The following COL11A1 variants were observed in gnomAD, a reference collection of about 807,000 sequenced individuals.
COL11A1 encodes collagen type XI alpha 1 chain, also known as collagen alpha-1(XI) chain.
COL11A1 carries 74 observed loss-of-function variants against 265.2 expected under a neutral mutation model. The observed-to-expected ratio is 0.28, with a 90% confidence interval of 0.23 to 0.34. The LOEUF (loss-of-function observed/expected upper bound fraction) is 0.34, where lower values mean the gene tolerates loss of function less well. Among genes scored for constraint, COL11A1 ranks in the 10% least tolerant of loss-of-function variants. COL11A1 has a pLI of 1.00. For missense variants in COL11A1, 2,165 were observed against 2,263.6 expected (o/e 0.96, Z 0.88); for synonymous variants, 816 against 727.6 (o/e 1.12, Z -1.96).
In COL11A1 at chr1:103,004,424, A is replaced by G; in HGVS notation, c.1944+20T>C. 1 of 1,592,994 alleles carries G rather than the reference A, an allele frequency of 6.3e-7. No homozygotes were observed. Among genetic ancestry groups the G allele is most frequent in the Non-Finnish European group, 8.6e-7 (1 of 1,163,222 alleles). On this transcript the variant is annotated intron_variant, in intron 20 of 66. Transcript: ENST00000370096. ...TAAAAACTAGAAATATTACTTAAAA[A>G]TAAAAAGTAAGTTGCTTACAGCTTC...
At chr1:103,038,485 CGA>C (rs368574516) in intron 4 of COL11A1, among the ~76,000 whole-genome samples, 7 of 148,562 alleles carry the variant, frequency 4.7e-5, no homozygotes, top group Non-Finnish European at 6.0e-5. Flanking sequence ...AGAGAGAGAG[CGA>C]GAGAGAGAGA....
At chr1:102,991,418 A>G (rs1026996532) in intron 28 of COL11A1, among the ~76,000 whole-genome samples, 3 of 144,726 alleles carry the variant, frequency 2.1e-5, no homozygotes, top group Non-Finnish European at 3.1e-5. Flanking sequence ...GCTAATAATC[A>G]ATATAAGGCA....
chr1:103,022,687 T>A lies in COL11A1; in HGVS notation c.1245+55A>T, dbSNP rs962544899. ...AAAGACATTAAGATGGACATGGACA[T>A]AAAAATATCCCATAAATAAGACATA... On this transcript the variant is annotated intron_variant, in intron 8 of 66. Coordinates refer to ENST00000370096, the MANE Select transcript of COL11A1 (RefSeq NM_001854.4). The A allele has an allele frequency of 1.6e-5, 26 of 1,607,834 alleles. No homozygotes were observed. In the Admixed American group the frequency reaches 3.7e-4, roughly 23 times the overall value.
At chr1:102,898,912 A>C in intron 55 of COL11A1, 29 bp downstream of exon 55, 1 of 1,108,516 alleles carries the variant, frequency 9.0e-7, no homozygotes, top group Non-Finnish European at 1.2e-6. Context: ...TATATAATAT[A>C]TATTATGTAT....
At chr1:102,943,921 A>C (rs1030839034) in intron 42 of COL11A1, among the ~76,000 whole-genome samples, 1 of 152,092 alleles carries the variant, frequency 6.6e-6, no homozygotes, top group African/African-American at 2.4e-5. Flanking sequence ...CATTAGAATC[A>C]GTTTCCCTAT....
At chr1:102,952,480 G>A (rs968709253) in intron 41 of COL11A1, among the ~76,000 whole-genome samples, 1 of 152,168 alleles carries the variant, frequency 6.6e-6, no homozygotes, top group Non-Finnish European at 1.5e-5. Context: ...ATTTCAGATT[G>A]TCATCTTGCT....
intron 14 of COL11A1, among the ~76,000 whole-genome samples, chr1:103,009,533 A>G (rs529752454): frequency 6.6e-6 from 1 of 152,340 alleles, no homozygotes; most frequent in African/African-American, 2.4e-5. Flanking sequence ...GAGGTTTAAA[A>G]TTAAACACTA....
chr1:102,879,822 T>C lies in COL11A1; in HGVS notation c.5135A>G (p.Tyr1712Cys). Residue 1712 changes from tyrosine (Y) to cysteine (C), a missense_variant, in exon 66 of 67, where the codon TAC (tyrosine) becomes TGC (cysteine). Tyr to Cys is a radical substitution (Grantham distance 194, BLOSUM62 -2). Coordinates refer to ENST00000370096, the MANE Select transcript of COL11A1 (RefSeq NM_001854.4). Reference protein sequence around the residue: ...LTASARQNFTYHCHQSAAWYD... With the variant: ...LTASARQNFTCHCHQSAAWYD... Reference sequence around the variant, plus strand: ...CCAGGCTGCTGACTGATGACAGTGGTAGGTGAAATTTTGCCGAGCAGAGGC... The same window carrying C: ...CCAGGCTGCTGACTGATGACAGTGGCAGGTGAAATTTTGCCGAGCAGAGGC... The C allele has an allele frequency of 1.2e-6, 2 of 1,613,960 alleles. No homozygotes were observed. The highest frequency in any genetic ancestry group is 2.2e-5 in the East Asian group (1 of 44,874).
intron 58 of COL11A1, among the ~76,000 whole-genome samples, chr1:102,890,175 T>C (rs1182247179): frequency 6.6e-6 from 1 of 152,156 alleles, no homozygotes; most frequent in African/African-American, 2.4e-5. Flanking sequence ...GTTTATTTTC[T>C]GAATAGTTAT....
At chr1:102,947,444 T>C (rs1307709237) in intron 41 of COL11A1, among the ~76,000 whole-genome samples, 1 of 152,106 alleles carries the variant, frequency 6.6e-6, no homozygotes, top group Non-Finnish European at 1.5e-5. Context: ...TTCTTTGCAT[T>C]AGGATACACA....
In COL11A1 at chr1:102,965,437, A is replaced by G. The variant is rs528347857; in HGVS notation, c.2916+50T>C. The G allele has an allele frequency of 1.2e-5, 19 of 1,520,026 alleles. No individual in the cohort carries two copies. In the South Asian group the frequency reaches 1.8e-4, roughly 14 times the overall value. The allele number at this position is 1,520,026 out of a possible 1,614,324, so 94.2% of individuals were successfully genotyped here. A position where few individuals can be genotyped will look rare whatever the true frequency, so the allele number is the denominator to read the frequency against. On this transcript the variant is annotated intron_variant, in intron 38 of 66. Transcript: ENST00000370096. Reference sequence around the variant, plus strand: ...TTTTACACAACTTAGGAAGGTTAAAATGTAAACAAAAAATAAATCTTGCTT... The same window carrying G: ...TTTTACACAACTTAGGAAGGTTAAAGTGTAAACAAAAAATAAATCTTGCTT...
At chr1:102,993,862 T>G (rs1026374048) in intron 28 of COL11A1, among the ~76,000 whole-genome samples, 1 of 152,106 alleles carries the variant, frequency 6.6e-6, no homozygotes, top group East Asian at 1.9e-4. Context: ...TTAATTTAAT[T>G]TTTTGTTTTT....
intron 4 of COL11A1, among the ~76,000 whole-genome samples, chr1:103,055,215 A>G (rs929988043): frequency 3.9e-5 from 6 of 152,188 alleles, no homozygotes; most frequent in African/African-American, 1.4e-4. Flanking sequence ...CATTATTATA[A>G]TCTTTTTCAT....
chr1:102,972,903 C>A, intron 36 of COL11A1, among the ~76,000 whole-genome samples: 1 of 151,180 alleles, frequency 6.6e-6, no homozygotes, highest in Non-Finnish European at 1.5e-5. Flanking sequence ...GCTGCATATT[C>A]CCAAAATATG....
intron 4 of COL11A1, among the ~76,000 whole-genome samples, chr1:103,063,969 T>C (rs989298258): frequency 6.6e-6 from 1 of 152,116 alleles, no homozygotes; most frequent in Non-Finnish European, 1.5e-5. Flanking sequence ...ACATCATATG[T>C]CATTAGAGAA....
intron 41 of COL11A1, among the ~76,000 whole-genome samples, chr1:102,956,817 T>C (rs1011289071): frequency 4.6e-5 from 7 of 151,908 alleles, no homozygotes; most frequent in African/African-American, 1.7e-4. Context: ...GTCTCTATTT[T>C]GACTCCATTA....
Position 102,974,001 on chromosome 1 carries a change from T to C in COL11A1, c.2808+829A>G, listed in dbSNP as rs1477443817. Reference sequence around the variant, plus strand: ...GCATCAGAACTGTCTAGAGGGTGTTTTAAAATATAGACTTGGCCCCTGCCC... The same window carrying C: ...GCATCAGAACTGTCTAGAGGGTGTTCTAAAATATAGACTTGGCCCCTGCCC... On this transcript the variant is annotated intron_variant, in intron 36 of 66. Transcript: ENST00000370096. Among the ~76,000 whole-genome samples, 3 of 152,320 alleles carry C rather than the reference T, an allele frequency of 2.0e-5. 1 individual carries two copies. In the East Asian group the frequency reaches 5.8e-4, roughly 29 times the overall value.
intron 4 of COL11A1, among the ~76,000 whole-genome samples, chr1:103,032,391 G>T (rs1668057086): frequency 6.6e-6 from 1 of 151,956 alleles, no homozygotes. Flanking sequence ...TTTATTAACA[G>T]ATACTTATTG....
At chr1:102,916,963 G>C (rs1655409675) in intron 49 of COL11A1, among the ~76,000 whole-genome samples, 2 of 151,756 alleles carry the variant, frequency 1.3e-5, no homozygotes, top group African/African-American at 4.8e-5. Flanking sequence ...GAAATCAATT[G>C]TAAAATGTCC....
Sources: gnomAD v4.1 joint callset for allele counts (sites outside exome capture counted in the v4.1 genomes callset) on GRCh38, gnomAD v4.1.1 for gene constraint, MANE v1.5 for transcripts, NCBI Gene and HGNC (gene_info 2026-07-23, HGNC 2026-07-21) for gene names.